The following FMN1 variants were observed in gnomAD, a reference collection of about 807,000 sequenced individuals.
FMN1 encodes formin-1.
A neutral mutation model predicts 132.4 loss-of-function variants in FMN1; 110 were observed. The ratio of observed to expected loss-of-function variants is 0.83; its 90% CI spans 0.71 to 0.97. The LOEUF is 0.97. Ranked by LOEUF, FMN1 falls within the 50% of genes least tolerant of loss-of-function variation. The pLI, the probability that FMN1 is intolerant of heterozygous loss-of-function variation, is 0.00. For missense variants in FMN1, 1,792 were observed against 1,705.3 expected (o/e 1.05, Z -0.90); for synonymous variants, 722 against 651.7 (o/e 1.11, Z -1.64).
intron 20 of FMN1, among the ~76,000 whole-genome samples, chr15:32,775,797 T>C (rs2056398002): frequency 6.6e-6 from 1 of 152,180 alleles, no homozygotes; most frequent in African/African-American, 2.4e-5. Flanking sequence ...TTAGAACCCA[T>C]TTATATTTTC....
chr15:32,905,572 G>A (rs562855093), intron 12 of FMN1, among the ~76,000 whole-genome samples: 4 of 152,262 alleles, frequency 2.6e-5, no homozygotes, highest in East Asian at 1.9e-4. Flanking sequence ...CAGACAGCCT[G>A]GTCCCAAACA....
chr15:33,088,100 G>A (rs1199878163), intron 5 of FMN1, among the ~76,000 whole-genome samples: 1 of 152,126 alleles, frequency 6.6e-6, no homozygotes, highest in Non-Finnish European at 1.5e-5. Flanking sequence ...TACACACTGG[G>A]TACAGTGTAC....
intron 17 of FMN1, among the ~76,000 whole-genome samples, chr15:32,853,252 A>G (rs1227446691): frequency 6.6e-6 from 1 of 152,146 alleles, no homozygotes; most frequent in African/African-American, 2.4e-5. Flanking sequence ...AGTCTTACCT[A>G]AAAGTGTTGG....
rs371785929 is a variant in FMN1, at chr15:32,958,229, A to G, written c.3138+5878T>C. Among the ~76,000 whole-genome samples the G allele has an allele frequency of 5.0e-4, 76 of 152,286 alleles. No individual in the cohort carries two copies. In the East Asian group the frequency reaches 0.012, roughly 25 times the overall value. ...TTTGGATATGCAGAAGTGTGGCTAT[A>G]TTTTGTTGATGTTTTTAATAATGGC... On this transcript the variant is annotated intron_variant, in intron 9 of 20. Transcript: ENST00000616417.
chr15:33,105,103 G>A (rs975582482), intron 4 of FMN1, among the ~76,000 whole-genome samples: 2 of 152,136 alleles, frequency 1.3e-5, no homozygotes, highest in East Asian at 1.9e-4. Context: ...TCTTCAAAGA[G>A]GGAATGAGCA....
chr15:32,810,943 T>C (rs1482606597), intron 17 of FMN1: 1 of 456,006 alleles, frequency 2.2e-6, no homozygotes, highest in African/African-American at 2.0e-5. Context: ...AGCCGGGTGA[T>C]GCTAACGAGG....
chr15:32,978,871 A>C (rs560775100), intron 7 of FMN1, among the ~76,000 whole-genome samples: 1 of 152,160 alleles, frequency 6.6e-6, no homozygotes, highest in African/African-American at 2.4e-5. Flanking sequence ...CATTTAGTAC[A>C]TGTCTTAAAT....
intron 19 of FMN1, among the ~76,000 whole-genome samples, chr15:32,785,139 T>G (rs954714243): frequency 2.1e-4 from 30 of 141,406 alleles, no homozygotes; most frequent in East Asian, 1.4e-3. Context: ...GCTAGGGGTG[T>G]GTGTGTGTGT....
intron 1 of FMN1, among the ~76,000 whole-genome samples, chr15:33,194,356 G>C (rs1190549912): frequency 5.3e-5 from 8 of 150,754 alleles, no homozygotes; most frequent in Admixed American, 4.6e-4. Flanking sequence ...AGTGAGGAGC[G>C]TTGGGATGAC....
At chr15:32,957,145 CA>C (rs2061787781) in intron 9 of FMN1, among the ~76,000 whole-genome samples, 1 of 151,972 alleles carries the variant, frequency 6.6e-6, no homozygotes, top group South Asian at 2.1e-4. Flanking sequence ...AATCCTTTTA[CA>C]TATCTTACAG....
intron 5 of FMN1, among the ~76,000 whole-genome samples, chr15:33,083,029 C>T (rs1350633770): frequency 1.3e-5 from 2 of 151,804 alleles, no homozygotes; most frequent in African/African-American, 4.8e-5. Context: ...TTTGCTTGAC[C>T]AGGATTTGCA....
At chr15:32,950,762 G>T (rs112667349) in intron 9 of FMN1, among the ~76,000 whole-genome samples, 4 of 152,088 alleles carry the variant, frequency 2.6e-5, no homozygotes, top group Admixed American at 6.6e-5. Context: ...CCTGGGTGAC[G>T]AAATAATCTA....
chr15:33,114,522 G>A (rs1161697489), intron 4 of FMN1, among the ~76,000 whole-genome samples: 6 of 152,178 alleles, frequency 3.9e-5, no homozygotes, highest in African/African-American at 1.2e-4. Flanking sequence ...AGTCATTGTC[G>A]ATCCAATCAT....
chr15:33,067,703 T>C, intron 5 of FMN1: 3 of 1,613,988 alleles, frequency 1.9e-6, no homozygotes, highest in Middle Eastern at 1.6e-4. Flanking sequence ...GTCTAAACTA[T>C]GGAATGCTTT....
chr15:32,816,458 G>A (rs983030188), intron 17 of FMN1, among the ~76,000 whole-genome samples: 1 of 152,272 alleles, frequency 6.6e-6, no homozygotes, highest in East Asian at 1.9e-4. Context: ...CTCTGGTTAA[G>A]AGGATTTTTG....
intron 5 of FMN1, among the ~76,000 whole-genome samples, chr15:33,074,157 C>CCACAT (rs2038107373): frequency 6.6e-6 from 1 of 152,206 alleles, no homozygotes; most frequent in African/African-American, 2.4e-5. Context: ...TCCTGTTCAC[C>CCACAT]CACATCACAT....
chr15:33,019,555 T>A (rs345838), intron 6 of FMN1, among the ~76,000 whole-genome samples: 1 of 151,786 alleles, frequency 6.6e-6, no homozygotes, highest in Non-Finnish European at 1.5e-5. Flanking sequence ...GGGGAGGCTC[T>A]GGCAGCGCAG....
In FMN1 at chr15:33,154,866, G is replaced by A. The variant is rs1349232153; in HGVS notation, c.49C>T (p.Leu17Phe). 1 of 1,536,254 alleles carries A rather than the reference G, an allele frequency of 6.5e-7. No individual in the cohort carries two copies. The highest frequency in any genetic ancestry group is 1.2e-5 in the South Asian group (1 of 84,054). ...GGAAGACAGAAGCTGATGTAGCAGA[G>A]TTCCGTAATGGGCTTATGCAATTGG... ...TLQLHKPITE[L>F]CYISFCLPKG... The change falls in exon 4 of 21, where the codon CTC becomes TTC. Residue 17 changes from leucine (L) to phenylalanine (F), a missense_variant. Transcript: ENST00000616417.
At chr15:33,014,908 T>C (rs1368939646) in intron 6 of FMN1, among the ~76,000 whole-genome samples, 1 of 152,252 alleles carries the variant, frequency 6.6e-6, no homozygotes, top group Non-Finnish European at 1.5e-5. Context: ...CCTAATTACA[T>C]ATGGGTACGG....
Sources: gnomAD v4.1 joint callset for allele counts (sites outside exome capture counted in the v4.1 genomes callset) on GRCh38, gnomAD v4.1.1 for gene constraint, MANE v1.5 for transcripts, NCBI Gene and HGNC (gene_info 2026-07-23, HGNC 2026-07-21) for gene names.